OPCML: variants seen among roughly 807,000 people sequenced by gnomAD.
OPCML encodes opioid-binding protein/cell adhesion molecule.
A neutral mutation model predicts 37.8 loss-of-function variants in OPCML; 13 were observed. The ratio of observed to expected loss-of-function variants is 0.34; its 90% CI spans 0.22 to 0.55. OPCML has a LOEUF of 0.55. Among genes scored for constraint, OPCML ranks in the 20% least tolerant of loss-of-function variants. The probability of loss-of-function intolerance (pLI) is 0.91; values close to 1 mark genes in which losing one functional copy is unlikely to be tolerated. For missense variants in OPCML, 341 were observed against 435.6 expected (o/e 0.78, Z 1.93); for synonymous variants, 176 against 168.8 (o/e 1.04, Z -0.33).
intron 1 of OPCML, among the ~76,000 whole-genome samples, chr11:133,050,922 A>C (rs1948118719): frequency 6.6e-6 from 1 of 152,064 alleles, no homozygotes; most frequent in Non-Finnish European, 1.5e-5. Context: ...CTTCAGAGCA[A>C]TTGCTCTTCT....
At chr11:132,606,159 A>G (rs960427349) in intron 3 of OPCML, among the ~76,000 whole-genome samples, 3 of 152,226 alleles carry the variant, frequency 2.0e-5, no homozygotes, top group Non-Finnish European at 4.4e-5. Context: ...TCCTATTTAC[A>G]TTAAAAGTTA....
At chr11:133,293,614 G>C (rs1304473618) in intron 1 of OPCML, among the ~76,000 whole-genome samples, 1 of 152,166 alleles carries the variant, frequency 6.6e-6, no homozygotes, top group East Asian at 1.9e-4. Context: ...AAACGGATCT[G>C]AGTTCTGGAC....
chr11:133,310,495 G>C (rs1309584569), intron 1 of OPCML, among the ~76,000 whole-genome samples: 2 of 152,106 alleles, frequency 1.3e-5, no homozygotes, highest in Admixed American at 6.5e-5. Context: ...CATAAGGTCA[G>C]GTGATATATA....
intron 1 of OPCML, among the ~76,000 whole-genome samples, chr11:133,140,781 AGACGAC>A (rs1205370923): frequency 7.2e-6 from 1 of 138,398 alleles, no homozygotes; most frequent in South Asian, 2.4e-4. Context: ...AAGAAGAAGA[AGACGAC>A]GAAGAAGAAG....
At chr11:133,511,300 G>A (rs921761341) in intron 1 of OPCML, among the ~76,000 whole-genome samples, 1 of 152,122 alleles carries the variant, frequency 6.6e-6, no homozygotes, top group Non-Finnish European at 1.5e-5. Context: ...AACAAAGCGA[G>A]TCCTGCTACT....
intron 3 of OPCML, among the ~76,000 whole-genome samples, chr11:132,651,705 A>C (rs1390598950): frequency 1.8e-4 from 28 of 152,154 alleles, no homozygotes; most frequent in Admixed American, 1.8e-3. Context: ...ATTTTTCTTT[A>C]CAAGCAAAAC....
At chr11:133,365,788 G>A (rs1944526194) in intron 1 of OPCML, 1 of 152,168 alleles carries the variant, frequency 6.6e-6, no homozygotes, top group Non-Finnish European at 1.5e-5. Flanking sequence ...GTCATAAGAT[G>A]GCTGCTGACA....
chr11:132,558,827 G>A lies in OPCML; in HGVS notation c.380-29641C>T, dbSNP rs2096404108. Among the ~76,000 whole-genome samples the A allele has an allele frequency of 5.3e-5, 8 of 151,918 alleles. No homozygotes were observed. The South Asian group carries it at 1.7e-3, about 32-fold the overall frequency. On this transcript the variant is annotated intron_variant, in intron 3 of 7. Transcript: ENST00000524381. ...TTCTGTTGATGATTGCATAATTGTT[G>A]ACCGTTCAATTTTTTCAGCCAGAAT...
At position 133,173,999 on chromosome 11, in the gene OPCML, G is replaced by C. The variant is rs1442079718; in HGVS notation, c.62-230989C>G. On this transcript the variant is annotated intron_variant, in intron 1 of 7. Coordinates refer to ENST00000524381, the MANE Select transcript of OPCML (RefSeq NM_001012393.5). The surrounding 1 kb of genome is among the most constrained non-coding windows in gnomAD (Gnocchi z 7.8). ...CACCGGGACGCTGACATAAATCAGG[G>C]GCAGCAACGGATGAGCATGGAGAAA... Among the ~76,000 whole-genome samples, 1 of 152,194 alleles carries C rather than the reference G, an allele frequency of 6.6e-6. No homozygotes were observed. The highest frequency in any genetic ancestry group is 2.4e-5 in the African/African-American group (1 of 41,448).
intron 1 of OPCML, among the ~76,000 whole-genome samples, chr11:133,350,391 T>C (rs542539747): frequency 3.9e-5 from 6 of 152,240 alleles, no homozygotes; most frequent in Non-Finnish European, 8.8e-5. Context: ...ACACTCTTAA[T>C]GGAGAATCAT....
At chr11:133,138,547 GA>G (rs1021929699) in intron 1 of OPCML, among the ~76,000 whole-genome samples, 1 of 152,152 alleles carries the variant, frequency 6.6e-6, no homozygotes, top group Non-Finnish European at 1.5e-5. Flanking sequence ...TTCTTCACCT[GA>G]AAATAGGACA....
intron 1 of OPCML, among the ~76,000 whole-genome samples, chr11:133,018,757 G>A (rs1947387207): frequency 6.6e-6 from 1 of 152,324 alleles, no homozygotes; most frequent in Non-Finnish European, 1.5e-5. Flanking sequence ...GGGGCACACA[G>A]CATCACCTAT....
intron 2 of OPCML, among the ~76,000 whole-genome samples, chr11:132,935,192 A>G (rs1945330689): frequency 6.6e-6 from 1 of 152,138 alleles, no homozygotes; most frequent in South Asian, 2.1e-4. Flanking sequence ...GCTCAATAGA[A>G]ACAATACAAC....
rs1939197124 is a variant in OPCML at position 133,208,329 on chromosome 11, T to G, written c.62-265319A>C. 6.6e-6 allele frequency among the ~76,000 whole-genome samples: 1 copy of G among 152,220 alleles called. No homozygotes were observed. The highest frequency in any genetic ancestry group is 1.5e-5 in the Non-Finnish European group (1 of 68,044). On this transcript the variant is annotated intron_variant, in intron 1 of 7. Transcript: ENST00000524381. The surrounding 1 kb of genome is among the most constrained non-coding windows in gnomAD (Gnocchi z 8.9). ...GACAGAAGCCTACACTACCGTGTGT[T>G]CTACTACATTCAGTATCATTGTCGA...
intron 1 of OPCML, among the ~76,000 whole-genome samples, chr11:133,075,986 A>G (rs35181483): frequency 0.066 from 10,115 of 152,252 alleles, 562 homozygotes; most frequent in African/African-American, 0.15. Flanking sequence ...TATCTAATGT[A>G]AAATCCATAG....
intron 3 of OPCML, among the ~76,000 whole-genome samples, chr11:132,616,132 C>T (rs1938999877): frequency 1.3e-5 from 2 of 152,144 alleles, no homozygotes; most frequent in Admixed American, 6.5e-5. Flanking sequence ...TTTGTACTTA[C>T]CATCTAATTC....
intron 1 of OPCML, among the ~76,000 whole-genome samples, chr11:133,400,245 CA>C (rs1367521537): frequency 6.6e-6 from 1 of 152,206 alleles, no homozygotes; most frequent in Non-Finnish European, 1.5e-5. Flanking sequence ...GACACAACTT[CA>C]AATGTTACAG....
At chr11:133,298,420 A>C (rs1187496754) in intron 1 of OPCML, 2 of 152,196 alleles carry the variant, frequency 1.3e-5, no homozygotes, top group Non-Finnish European at 2.9e-5. Flanking sequence ...TCAAGTAAAG[A>C]GCATAGAAAA....
intron 2 of OPCML, among the ~76,000 whole-genome samples, chr11:132,778,162 A>G (rs930292352): frequency 6.6e-6 from 1 of 152,208 alleles, no homozygotes; most frequent in Non-Finnish European, 1.5e-5. Context: ...TTATAGCTTT[A>G]CATAAACTCT....
Sources: allele counts gnomAD v4.1 joint callset (sites outside exome capture counted in the v4.1 genomes callset), GRCh38; gene constraint gnomAD v4.1.1; non-coding constraint Gnocchi (gnomAD v3.1); transcripts MANE v1.5; gene names NCBI Gene and HGNC (gene_info 2026-07-23, HGNC 2026-07-21).